The following DSTYK variants were observed in gnomAD, a reference collection of about 807,000 sequenced individuals.
DSTYK encodes the protein dual serine/threonine and tyrosine protein kinase.
In DSTYK, 34 loss-of-function variants were observed where a neutral mutation model predicts 98.7. The observed-to-expected ratio is 0.34, with a 90% CI of 0.26 to 0.46. The LOEUF (loss-of-function observed/expected upper bound fraction) is 0.46. DSTYK is among the 20% of genes least tolerant of loss of function. The probability of loss-of-function intolerance (pLI) is 1.00; values close to 1 mark genes in which losing one functional copy is unlikely to be tolerated. For missense variants in DSTYK, 962 were observed against 1,181.7 expected (o/e 0.81, Z 2.73); for synonymous variants, 462 against 457.3 (o/e 1.01, Z -0.13).
chr1:205,207,764 A>T (rs1659250759), intron 1 of DSTYK, among the ~76,000 whole-genome samples: 1 of 11,652 alleles, frequency 8.6e-5, no homozygotes, highest in Non-Finnish European at 3.1e-4. Context: ...TCAAAAAAAA[A>T]AAAAAAAAAA....
At chr1:205,151,036 C>T (rs184280450) in intron 10 of DSTYK, among the ~76,000 whole-genome samples, 9 of 152,246 alleles carry the variant, frequency 5.9e-5, no homozygotes, top group South Asian at 2.1e-4. Context: ...ACCTGTACAG[C>T]GTATTACTGT....
Position 205,173,738 on chromosome 1 carries a change from AG to A in DSTYK, c.655-3907del, listed in dbSNP as rs1336804729. 4.1e-5 allele frequency among the ~76,000 whole-genome samples: 6 copies of A among 146,534 alleles called. No homozygotes were observed. The East Asian group carries it at 1.3e-3, about 31-fold the overall frequency. On this transcript the variant is annotated intron_variant, in intron 2 of 12. Coordinates refer to ENST00000367162, the MANE Select transcript of DSTYK (RefSeq NM_015375.3). ...CAATACGGTTGTTTTTTTTTTTTTGAGATGAAGTCTCGCTCTGTCGCCCAGG... is the reference window on the plus strand; with the variant it reads ...CAATACGGTTGTTTTTTTTTTTTTGAATGAAGTCTCGCTCTGTCGCCCAGG...
chr1:205,209,575 T>G (rs917929598), intron 1 of DSTYK, among the ~76,000 whole-genome samples: 2 of 124,284 alleles, frequency 1.6e-5, no homozygotes, highest in African/African-American at 5.2e-5. Context: ...ATTTAGTTGG[T>G]TTGGATAGGA....
chr1:205,202,742 A>C (rs1452127415), intron 1 of DSTYK: 1 of 733,732 alleles, frequency 1.4e-6, no homozygotes, highest in African/African-American at 1.8e-5. Context: ...ACACAGGAGT[A>C]AATTCAGCTT....
rs1192667177 is a variant in DSTYK, at chr1:205,211,606, C to T, written c.-71G>A. ...CCCGGCCTCCCTCCTCCCCGCCCCC[C>T]AGTGCCGAAGGGAGGAGGAATCCGC... On this transcript the variant is annotated 5_prime_UTR_variant, in exon 1 of 13. Transcript: ENST00000367162. The T allele has an allele frequency of 5.7e-6, 8 of 1,408,126 alleles. No individual in the cohort carries two copies. Among genetic ancestry groups the T allele is most frequent in the East Asian group, 2.8e-5 (1 of 35,270 alleles). The allele number at this position is 1,408,126 out of a possible 1,614,324, so 87.2% of individuals were successfully genotyped here.
chr1:205,153,292 C>G (rs12123773), intron 10 of DSTYK, among the ~76,000 whole-genome samples: 46,461 of 152,016 alleles, frequency 0.31, 8,841 homozygotes, highest in Non-Finnish European at 0.43. Context: ...AGATTCTTTA[C>G]AATTCAAATT....
intron 2 of DSTYK, among the ~76,000 whole-genome samples, chr1:205,171,010 T>G (rs1019523408): frequency 1.4e-5 from 2 of 147,590 alleles, no homozygotes; most frequent in Admixed American, 1.4e-4. Flanking sequence ...TTACCTAGCT[T>G]CAGACTTCTT....
chr1:205,199,964 T>C (rs1452457243), intron 1 of DSTYK, among the ~76,000 whole-genome samples: 3 of 152,220 alleles, frequency 2.0e-5, no homozygotes, highest in Non-Finnish European at 4.4e-5. Flanking sequence ...AACGAGATGA[T>C]ATAATTTTTC....
chr1:205,165,774 C>T (rs566072210), intron 3 of DSTYK, among the ~76,000 whole-genome samples: 4 of 152,046 alleles, frequency 2.6e-5, no homozygotes, highest in South Asian at 2.1e-4. Context: ...TTTGTATTAG[C>T]GAAAGAGAAA....
chr1:205,152,147 A>G (rs1024662834), intron 10 of DSTYK, among the ~76,000 whole-genome samples: 2 of 152,138 alleles, frequency 1.3e-5, no homozygotes, highest in Non-Finnish European at 1.5e-5. Context: ...ACTAGACAAT[A>G]GGAATTTTTT....
At chr1:205,165,710 ATACCCT>A (rs1657866991) in intron 3 of DSTYK, among the ~76,000 whole-genome samples, 1 of 152,238 alleles carries the variant, frequency 6.6e-6, no homozygotes, top group Non-Finnish European at 1.5e-5. Context: ...TTCTTGAGAT[ATACCCT>A]TACAAGTCCC....
intron 1 of DSTYK, among the ~76,000 whole-genome samples, chr1:205,201,405 C>CAAAAAAAAAA (rs67120994): frequency 3.1e-5 from 3 of 95,480 alleles, no homozygotes; most frequent in Admixed American, 1.2e-4. Flanking sequence ...TTTTTTAATG[C>CAAAAAAAAAA]AAAAAAAAAA....
At chr1:205,166,444 G>A (rs1657893233) in intron 3 of DSTYK, among the ~76,000 whole-genome samples, 1 of 151,234 alleles carries the variant, frequency 6.6e-6, no homozygotes, top group Non-Finnish European at 1.5e-5. Flanking sequence ...CTACAAGCCT[G>A]GGCAACACAG....
rs558194709 is a variant in DSTYK at position 205,169,806 on chromosome 1, G to A, written c.681C>T (p.Cys227=). 50 of 1,613,506 alleles carry A rather than the reference G, an allele frequency of 3.1e-5. No homozygotes were observed. In the East Asian group the frequency reaches 9.1e-4, roughly 29 times the overall value. Residue 227 remains cysteine, a synonymous_variant, in exon 3 of 13, where the codon TGC becomes TGT. Coordinates refer to ENST00000367162, the MANE Select transcript of DSTYK (RefSeq NM_015375.3). This position sits in a 1 kb window ranked among gnomAD's most constrained non-coding sequence, Gnocchi z 4.0. ...CATCCACTGTGGGCCGGAGGCCTTG[G>A]CATGGTGCTACCACAACGTCCACTT... The part of the protein sequence containing the change: ...LQEVDVVVAP[C]QGLRPTVDVL...
intron 2 of DSTYK, among the ~76,000 whole-genome samples, chr1:205,176,000 A>G (rs999723896): frequency 2.0e-5 from 3 of 152,220 alleles, no homozygotes; most frequent in Non-Finnish European, 4.4e-5. Flanking sequence ...GCAATGAGTA[A>G]GCATTTTGCT....
intron 1 of DSTYK, among the ~76,000 whole-genome samples, chr1:205,198,834 CT>C (rs5780273): frequency 0.72 from 92,484 of 128,072 alleles, 33,006 homozygotes; most frequent in African/African-American, 0.87. Flanking sequence ...GGCACTAAAG[CT>C]TTTTTTTTTT....
rs1327968252 is a variant in DSTYK at position 205,158,552 on chromosome 1, T to C, written c.2238+995A>G. On this transcript the variant is annotated intron_variant, in intron 9 of 12. Coordinates refer to ENST00000367162, the MANE Select transcript of DSTYK (RefSeq NM_015375.3). Reference sequence around the variant, plus strand: ...AGTCTATAACAGAATTCGAATTCTATGGAAATTCTTAACATTTTGGGTCTT... The same window carrying C: ...AGTCTATAACAGAATTCGAATTCTACGGAAATTCTTAACATTTTGGGTCTT... Among the ~76,000 whole-genome samples the C allele has an allele frequency of 2.0e-5, 3 of 152,206 alleles. No individual in the cohort carries two copies. The East Asian group carries it at 5.8e-4, about 29-fold the overall frequency.
At position 205,145,527 on chromosome 1, in the gene DSTYK, T is replaced by TTTG. The variant is rs1553358818; in HGVS notation, c.*2030_*2031insCAA. ...TGTGCGACTCATCTTTGTTTTTTGT[T>TTTG]TTTTTTTTTGTTTTTTTTTGAGATA... is the stretch of plus-strand genomic sequence containing the variant. On this transcript the variant is annotated 3_prime_UTR_variant, in exon 13 of 13. Transcript: ENST00000367162. The TTTG allele has an allele frequency of 1.5e-5, 2 of 134,596 alleles. No homozygotes were observed. Among genetic ancestry groups the TTTG allele is most frequent in the African/African-American group, 5.0e-5 (2 of 39,808 alleles). The allele number at this position is 134,596 out of a possible 1,614,324, so 8.3% of individuals were successfully genotyped here. A position where few individuals can be genotyped will look rare whatever the true frequency, so the allele number is the denominator to read the frequency against.
chr1:205,149,442 G>A (rs1415596765), intron 11 of DSTYK, among the ~76,000 whole-genome samples: 1 of 152,126 alleles, frequency 6.6e-6, no homozygotes, highest in Non-Finnish European at 1.5e-5. Context: ...GCTGGCAATG[G>A]AACAATCATT....
Sources: allele counts gnomAD v4.1 joint callset (sites outside exome capture counted in the v4.1 genomes callset), GRCh38; gene constraint gnomAD v4.1.1; non-coding constraint Gnocchi (gnomAD v3.1); transcripts MANE v1.5; gene names NCBI Gene and HGNC (gene_info 2026-07-23, HGNC 2026-07-21).